The following GRAMD1A variants were observed in gnomAD, a reference collection of about 807,000 sequenced individuals.
GRAMD1A encodes the protein GRAM domain containing 1A.
A neutral mutation model predicts 92.0 loss-of-function variants in GRAMD1A; 50 were observed. That is an observed-to-expected ratio of 0.54 (90% CI 0.43 to 0.69). The LOEUF (loss-of-function observed/expected upper bound fraction) is 0.69, where lower values mean the gene tolerates loss of function less well. GRAMD1A is among the 30% of genes least tolerant of loss of function. The probability of loss-of-function intolerance (pLI) is 0.00; values close to 1 mark genes in which losing one functional copy is unlikely to be tolerated. For synonymous variants in GRAMD1A, 405 were observed against 403.6 expected (o/e 1.00, Z -0.04); for missense variants, 819 against 978.9 (o/e 0.84, Z 2.18).
chr19:35,020,658 CA>C (rs56181450), intron 13 of GRAMD1A, among the ~76,000 whole-genome samples: 1,438 of 112,242 alleles, frequency 0.013, 20 homozygotes, highest in South Asian at 0.091. Flanking sequence ...GACCCTGTCT[CA>C]AAAAAAAAAA....
intron 11 of GRAMD1A, among the ~76,000 whole-genome samples, chr19:35,017,430 G>A (rs2015721261): frequency 1.3e-5 from 2 of 152,120 alleles, no homozygotes; most frequent in Admixed American, 6.6e-5. Context: ...GACTGCAGGG[G>A]ATACTGCATG....
chr19:35,009,594 G>A, intron 3 of GRAMD1A, 151 bp downstream of exon 3: 1 of 817,064 alleles, frequency 1.2e-6, no homozygotes, highest in Non-Finnish European at 2.1e-6. Flanking sequence ...TGTGCTGTGT[G>A]ACCTTGGGTG....
Position 35,014,327 on chromosome 19 carries a change from CT to C in GRAMD1A, c.1010del (p.Leu337ArgfsTer7). On this transcript the variant is annotated frameshift_variant, in exon 10 of 20. Transcript: ENST00000317991. LOFTEE classifies it high-confidence loss of function. ...CACCACCCTGGGCCCCTTGGATCTG[CT>C]GCCCAGTGAGGAGCTATTGACAGAC... ...GPTTLGPLDL[L>X]PSEELLTDTS... 6.2e-7 allele frequency: 1 copy of C among 1,614,170 alleles called. No individual in the cohort carries two copies. Among genetic ancestry groups the C allele is most frequent in the Non-Finnish European group, 8.5e-7 (1 of 1,179,994 alleles).
upstream of GRAMD1A, among the ~76,000 whole-genome samples, chr19:34,995,734 C>G (rs919552639): frequency 1.3e-5 from 2 of 152,016 alleles, no homozygotes; most frequent in Non-Finnish European, 2.9e-5. Flanking sequence ...TAGGGACGTG[C>G]CACCATGCCT....
rs1297384300 is a variant in GRAMD1A at position 35,013,316 on chromosome 19, C to T, written c.667C>T (p.Leu223Phe). The change falls in exon 8 of 20, where the codon CTC becomes TTC. Residue 223 changes from leucine to phenylalanine, a missense_variant. Physicochemically the swap from Leu to Phe is conservative, Grantham distance 22. Around this residue, in one of 3 missense-constraint regions of GRAMD1A, gnomAD observed 144 missense variants for 220.3 expected, o/e 0.65. Transcript: ENST00000317991. The surrounding 1 kb of genome is among the most constrained non-coding windows in gnomAD (Gnocchi z 4.9). Reference sequence around the variant, plus strand: ...TCAGTGCTACGGCTCAGAGCTGGGCCTCACCAGTGAGGATGAGGACTATGT... The same window carrying T: ...TCAGTGCTACGGCTCAGAGCTGGGCTTCACCAGTGAGGATGAGGACTATGT... ...VHQCYGSELG[L>F]TSEDEDYVSP... 1.9e-6 allele frequency: 3 copies of T among 1,553,972 alleles called. No individual in the cohort carries two copies. The highest frequency in any genetic ancestry group is 2.6e-6 in the Non-Finnish European group (3 of 1,148,036).
intron 10 of GRAMD1A, 124 bp downstream of exon 10, chr19:35,014,511 C>T (rs1304392111): frequency 2.0e-5 from 16 of 787,568 alleles, no homozygotes; most frequent in East Asian, 1.1e-4. Context: ...GGCGTTCAGG[C>T]GCTGTTGCTA....
chr19:34,995,694 C>T (rs987397395), upstream of GRAMD1A, among the ~76,000 whole-genome samples: 5 of 151,128 alleles, frequency 3.3e-5, no homozygotes, highest in Admixed American at 1.3e-4. Flanking sequence ...TGTGATCCTA[C>T]CGCCTCAGCC....
At position 35,009,407 on chromosome 19, in the gene GRAMD1A, C is replaced by T; in HGVS notation, c.220-16C>T. 1 of 1,614,116 alleles carries T rather than the reference C, an allele frequency of 6.2e-7. No individual in the cohort carries two copies. The highest frequency in any genetic ancestry group is 8.5e-7 in the Non-Finnish European group (1 of 1,180,006). On this transcript the variant is annotated splice_polypyrimidine_tract_variant and intron_variant, in intron 2 of 19. Transcript: ENST00000317991. ...GATCTAGGGGCTCATCCTGACTCCT[C>T]TCCTTTTCTTTGCAGAAGATGCAGA...
chr19:35,005,511 C>T (rs555828709), intron 1 of GRAMD1A, among the ~76,000 whole-genome samples: 361 of 152,102 alleles, frequency 2.4e-3, no homozygotes, highest in Non-Finnish European at 3.8e-3. Context: ...CAGGAGGACC[C>T]TGATGGACTC....
upstream of GRAMD1A, chr19:34,998,553 T>C (rs2014139943): frequency 1.3e-5 from 2 of 152,112 alleles, no homozygotes; most frequent in African/African-American, 2.4e-5. Context: ...TCCACCCTCC[T>C]TGGCCTCCCA....
At chr19:35,025,127 G>A (rs981972443) in intron 19 of GRAMD1A, 1 of 151,870 alleles carries the variant, frequency 6.6e-6, no homozygotes, top group Non-Finnish European at 1.5e-5. Context: ...CTGTCAAACT[G>A]CTAAGGGTGC....
rs759359929 is a variant in GRAMD1A at position 35,023,241 on chromosome 19, T to A, written c.1859T>A (p.Ile620Asn). The A allele has an allele frequency of 6.2e-7, 1 of 1,613,318 alleles. No individual in the cohort carries two copies. Among genetic ancestry groups the A allele is most frequent in the East Asian group, 2.2e-5 (1 of 44,870 alleles). ...LISIVICVSL[I>N]ILIALNVLLF... ...CCTCTGACCCCTGTCCCCAGCCTTA[T>A]CATCCTCATCGCCCTCAACGTCCTG... Residue 620 changes from isoleucine to asparagine, a missense_variant, in exon 18 of 20, where the codon ATC becomes AAC. Ile to Asn is a moderately radical substitution (Grantham distance 149). Transcript: ENST00000317991.
intron 6 of GRAMD1A, chr19:35,010,727 C>T (rs2015173658): frequency 3.8e-6 from 2 of 531,220 alleles, no homozygotes; most frequent in Non-Finnish European, 6.6e-6. Flanking sequence ...AGATGGCTTT[C>T]TCACCAGCGG....
In GRAMD1A at chr19:35,019,481, A is replaced by G. The variant is rs1212271151; in HGVS notation, c.1423A>G (p.Thr475Ala). The G allele has an allele frequency of 1.2e-6, 2 of 1,613,890 alleles. No homozygotes were observed. Among genetic ancestry groups the G allele is most frequent in the South Asian group, 1.1e-5 (1 of 91,084 alleles). ...CATCCCCTACCAGGACTACTTCTACACTGCCCACCGCTACTGCATCCTGGG... is the reference window on the plus strand; with the variant it reads ...CATCCCCTACCAGGACTACTTCTACGCTGCCCACCGCTACTGCATCCTGGG... ...QGIPYQDYFY[T>A]AHRYCILGLA... is the part of the protein sequence containing the mutation. The change falls in exon 13 of 20, where the codon ACT (threonine) becomes GCT (alanine). Residue 475 changes from threonine (T) to alanine (A), a missense_variant. Thr to Ala is a moderately conservative substitution (Grantham distance 58). Coordinates refer to ENST00000317991, the MANE Select transcript of GRAMD1A (RefSeq NM_020895.5).
At chr19:35,019,578 AGGGCCTCC>A in intron 13 of GRAMD1A, 45 bp downstream of exon 13, 4 of 1,591,300 alleles carry the variant, frequency 2.5e-6, no homozygotes, top group Non-Finnish European at 3.4e-6. Flanking sequence ...TGGTGGCCCC[AGGGCCTCC>A]TGTCCACTCC....
rs553227134 is a variant in GRAMD1A, at chr19:35,000,631, G to A, written c.8+145G>A. 2.0e-6 allele frequency: 1 copy of A among 503,232 alleles called. No homozygotes were observed. Among genetic ancestry groups the A allele is most frequent in the Admixed American group, 4.8e-5 (1 of 20,894 alleles). 31.2% of individuals were successfully genotyped at this position (503,232 alleles called of 1,614,324 possible). A position where few individuals can be genotyped will look rare whatever the true frequency, so the allele number is the denominator to read the frequency against. ...CACATGGCTCTGGCCGGGGCGATCG[G>A]GGTGGGGGCGGGGCAGGGGGCCCCC... On this transcript the variant is annotated intron_variant, in intron 1 of 19. Coordinates refer to ENST00000317991, the MANE Select transcript of GRAMD1A (RefSeq NM_020895.5). This position sits in a 1 kb window ranked among gnomAD's most constrained non-coding sequence, Gnocchi z 4.9.
chr19:35,013,347 C>A lies in GRAMD1A; in HGVS notation c.698C>A (p.Pro233His), dbSNP rs2015381073. ...LTSEDEDYVS[P>H]LQLNGLGTPK... is the part of the protein sequence containing the mutation. The stretch of plus-strand genomic sequence containing the variant: ...AGTGAGGATGAGGACTATGTCTCCC[C>A]CTTGCAGCTGAACGGTCTGGGGTGA... The change falls in exon 8 of 20, where the codon CCC becomes CAC. Residue 233 changes from proline (P) to histidine (H), a missense_variant. By Grantham distance (77) the Pro-to-His change is moderately conservative (BLOSUM62 -2). This residue lies in a region of GRAMD1A where 577 missense variants were observed against 674.6 expected (regional missense o/e 0.86). Transcript: ENST00000317991. This position sits in a 1 kb window ranked among gnomAD's most constrained non-coding sequence, Gnocchi z 4.9. The A allele has an allele frequency of 6.4e-7, 1 of 1,555,038 alleles. No homozygotes were observed. The highest frequency in any genetic ancestry group is 2.4e-5 in the East Asian group (1 of 41,410).
At chr19:35,008,929 G>A (rs2015016045) in intron 1 of GRAMD1A, among the ~76,000 whole-genome samples, 190 bp from the exon 2 acceptor site, 1 of 152,224 alleles carries the variant, frequency 6.6e-6, no homozygotes, top group African/African-American at 2.4e-5. Flanking sequence ...CTGGATTACT[G>A]ATGAAGTAAC....
Position 35,021,503 on chromosome 19 carries a change from G to A in GRAMD1A, c.1477G>A (p.Val493Met), listed in dbSNP as rs1346870043. 1 of 1,611,272 alleles carries A rather than the reference G, an allele frequency of 6.2e-7. No individual in the cohort carries two copies. Among genetic ancestry groups the A allele is most frequent in the African/African-American group, 1.3e-5 (1 of 74,884 alleles). Reference sequence around the variant, plus strand: ...CTTCCCCTGATCTCCCAACCCCAGAGTGTCTTCTGAGATCCGCTACCGAAA... The same window carrying A: ...CTTCCCCTGATCTCCCAACCCCAGAATGTCTTCTGAGATCCGCTACCGAAA... ...GLARNKARLR[V>M]SSEIRYRKQP... is the part of the protein sequence containing the mutation. Residue 493 changes from valine (V) to methionine (M), a missense_variant and splice_region_variant, in exon 14 of 20, where the codon GTG (valine) becomes ATG (methionine). Val to Met is a conservative substitution (Grantham distance 21). Around this residue, in one of 3 missense-constraint regions of GRAMD1A, gnomAD observed 577 missense variants for 674.6 expected, o/e 0.86. Transcript: ENST00000317991. The surrounding 1 kb of genome is among the most constrained non-coding windows in gnomAD (Gnocchi z 5.3).
Sources: gnomAD v4.1 joint callset for allele counts (sites outside exome capture counted in the v4.1 genomes callset) on GRCh38, gnomAD v4.1.1 for gene constraint, gnomAD v4.1.1 regional missense constraint, Gnocchi (gnomAD v3.1) non-coding constraint, MANE v1.5 for transcripts, NCBI Gene and HGNC (gene_info 2026-07-23, HGNC 2026-07-21) for gene names.